Variants in NFIB observed in about 807,000 individuals in gnomAD.
The protein encoded by NFIB is nuclear factor 1 B-type.
A neutral mutation model predicts 61.5 loss-of-function variants in NFIB; 11 were observed. That is an observed-to-expected ratio of 0.18 (90% CI 0.11 to 0.30). NFIB has a LOEUF of 0.30. Ranked by LOEUF, NFIB falls within the 10% of genes least tolerant of loss-of-function variation. The probability of loss-of-function intolerance (pLI) is 1.00; values close to 1 mark genes in which losing one functional copy is unlikely to be tolerated. For synonymous variants in NFIB, 260 were observed against 216.5 expected (o/e 1.20, Z -1.76); for missense variants, 471 against 608.9 (o/e 0.77, Z 2.38).
chr9:14,502,971 A>G, the NFIB span, among the ~76,000 whole-genome samples: 11,457 of 151,872 alleles, frequency 0.075, 514 homozygotes, highest in East Asian at 0.16. Context: ...GCAAACATAC[A>G]ATGTTTTCAG....
chr9:14,465,815 C>T, the NFIB span, among the ~76,000 whole-genome samples: 8 of 152,150 alleles, frequency 5.3e-5, no homozygotes, highest in Non-Finnish European at 1.0e-4. Context: ...ATCCTGTGCA[C>T]TGTACGATGT....
At chr9:14,527,825 C>T in the NFIB span, among the ~76,000 whole-genome samples, 1 of 152,142 alleles carries the variant, frequency 6.6e-6, no homozygotes. Flanking sequence ...TATTCAATTA[C>T]ATTTCTAGAA....
At chr9:14,103,656 G>A (rs1320364377) in intron 10 of NFIB, among the ~76,000 whole-genome samples, 1 of 152,146 alleles carries the variant, frequency 6.6e-6, no homozygotes, top group Non-Finnish European at 1.5e-5. Context: ...AGTGATTCAG[G>A]AGTTTTAGAA....
At chr9:14,197,148 C>T (rs984655636) in intron 2 of NFIB, among the ~76,000 whole-genome samples, 8 of 152,180 alleles carry the variant, frequency 5.3e-5, no homozygotes, top group African/African-American at 1.4e-4. Flanking sequence ...TATTCTGACC[C>T]TTTACAATTA....
intron 3 of NFIB, among the ~76,000 whole-genome samples, chr9:14,175,322 C>T (rs975052780): frequency 8.6e-5 from 13 of 151,482 alleles, no homozygotes; most frequent in Admixed American, 4.0e-4. Flanking sequence ...TACAGGCGCC[C>T]GCCACCATGC....
At chr9:14,090,288 T>G (rs1191084990) in intron 10 of NFIB, among the ~76,000 whole-genome samples, 1 of 152,138 alleles carries the variant, frequency 6.6e-6, no homozygotes, top group African/African-American at 2.4e-5. Context: ...TAAGAATACT[T>G]GTTATTGAAA....
Position 14,088,172 on chromosome 9 carries a change from A to T in NFIB, c.*137T>A. The T allele has an allele frequency of 1.4e-6, 2 of 1,431,686 alleles. No homozygotes were observed. The highest frequency in any genetic ancestry group is 3.1e-5 in the South Asian group (2 of 64,492). The allele number at this position is 1,431,686 out of a possible 1,614,324, so 88.7% of individuals were successfully genotyped here. On this transcript the variant is annotated 3_prime_UTR_variant, in exon 11 of 11. Transcript: ENST00000380953. ...TTTTATTTAAAAAAAAAATTTCTTA[A>T]ACTATTGTTGTGTTTCTTTTTCCCT...
chr9:14,381,681 C>G (rs924733909), intron 1 of NFIB, among the ~76,000 whole-genome samples: 2 of 152,154 alleles, frequency 1.3e-5, no homozygotes, highest in African/African-American at 4.8e-5. Context: ...CGGCCTAGGA[C>G]AGGCCAATAA....
chr9:14,103,016 G>T, intron 10 of NFIB, among the ~76,000 whole-genome samples: 1 of 152,260 alleles, frequency 6.6e-6, no homozygotes, highest in Non-Finnish European at 1.5e-5. Flanking sequence ...AAGCATCAAG[G>T]TCTTCAGTTT....
At chr9:14,123,902 C>A (rs778568110) in intron 7 of NFIB, among the ~76,000 whole-genome samples, 2 of 152,060 alleles carry the variant, frequency 1.3e-5, no homozygotes, top group African/African-American at 2.4e-5. Flanking sequence ...CCTCTTCTTC[C>A]TAGTTTGTTG....
intron 3 of NFIB, among the ~76,000 whole-genome samples, chr9:14,159,109 G>A (rs1283017848): frequency 6.6e-6 from 1 of 152,198 alleles, no homozygotes; most frequent in African/African-American, 2.4e-5. Flanking sequence ...GCCAAATCAT[G>A]AAGAAGGGAT....
intron 2 of NFIB, among the ~76,000 whole-genome samples, chr9:14,248,563 G>A (rs897889917): frequency 4.6e-5 from 7 of 152,174 alleles, no homozygotes; most frequent in South Asian, 4.2e-4. Flanking sequence ...GAGCCACCAC[G>A]CCCGGCCTCT....
intron 10 of NFIB, among the ~76,000 whole-genome samples, chr9:14,100,893 G>A (rs2035679077): frequency 6.6e-6 from 1 of 152,166 alleles, no homozygotes. Context: ...CATCTGGTTT[G>A]CAATTGTTAT....
At chr9:14,118,057 TGAGTTG>T (rs2038395132) in intron 8 of NFIB, among the ~76,000 whole-genome samples, 1 of 152,104 alleles carries the variant, frequency 6.6e-6, no homozygotes, top group Non-Finnish European at 1.5e-5. Context: ...TAATTGGTTT[TGAGTTG>T]GAGTTAAAAA....
chr9:14,164,371 G>A (rs1007017571), intron 3 of NFIB, among the ~76,000 whole-genome samples: 4 of 151,980 alleles, frequency 2.6e-5, no homozygotes, highest in Admixed American at 1.3e-4. Context: ...CTATATGCAT[G>A]AAATTGCATA....
intron 1 of NFIB, among the ~76,000 whole-genome samples, chr9:14,353,357 C>T (rs1299823486): frequency 6.6e-6 from 1 of 152,062 alleles, no homozygotes; most frequent in Non-Finnish European, 1.5e-5. Flanking sequence ...GGAAGAATAG[C>T]CAAAAACATC....
chr9:14,421,225 G>T, the NFIB span, among the ~76,000 whole-genome samples: 1 of 151,896 alleles, frequency 6.6e-6, no homozygotes, highest in Non-Finnish European at 1.5e-5. Flanking sequence ...AATATTAAAT[G>T]AGATAAATAA....
intron 1 of NFIB, among the ~76,000 whole-genome samples, chr9:14,334,806 C>T (rs1000700167): frequency 5.9e-5 from 9 of 152,136 alleles, no homozygotes; most frequent in South Asian, 2.1e-4. Context: ...TTTCTATTAC[C>T]TCTAAAAATG....
rs2033079648 is a variant in NFIB at position 14,087,702 on chromosome 9, T to C, written c.*607A>G. On this transcript the variant is annotated 3_prime_UTR_variant, in exon 11 of 11. Coordinates refer to ENST00000380953, the MANE Select transcript of NFIB (RefSeq NM_001190737.2). ...AACTAAAGGCTACAGAGATTTCATA[T>C]ATTTTTTTTAACTTTTAGAAATCAG... 2 of 217,874 alleles carry C rather than the reference T, an allele frequency of 9.2e-6. No homozygotes were observed. Among genetic ancestry groups the C allele is most frequent in the South Asian group, 1.9e-4 (1 of 5,404 alleles). The allele number at this position is 217,874 out of a possible 1,614,324, so 13.5% of individuals were successfully genotyped here.
Sources: allele counts gnomAD v4.1 joint callset (sites outside exome capture counted in the v4.1 genomes callset), GRCh38; gene constraint gnomAD v4.1.1; transcripts MANE v1.5; gene names NCBI Gene and HGNC (gene_info 2026-07-23, HGNC 2026-07-21).